DNAH10: variants seen among roughly 807,000 people sequenced by gnomAD.
DNAH10 encodes the protein axonemal beta dynein heavy chain 10.
A neutral mutation model predicts 506.6 loss-of-function variants in DNAH10; 348 were observed. That is an observed-to-expected ratio of 0.69 (90% CI 0.63 to 0.75). The LOEUF (loss-of-function observed/expected upper bound fraction) is 0.75. DNAH10 is among the 30% of genes least tolerant of loss of function. The probability of loss-of-function intolerance (pLI) is 0.00; values close to 1 mark genes in which losing one functional copy is unlikely to be tolerated. For missense variants in DNAH10, 5,179 were observed against 5,787.1 expected (o/e 0.89, Z 3.41); for synonymous variants, 2,059 against 2,198.6 (o/e 0.94, Z 1.78).
chr12:123,830,333 G>A (rs566933482), intron 25 of DNAH10, among the ~76,000 whole-genome samples: 1 of 152,214 alleles, frequency 6.6e-6, no homozygotes, highest in Non-Finnish European at 1.5e-5. Flanking sequence ...AGTGTATACA[G>A]TATTTTGCAA....
intron 23 of DNAH10, among the ~76,000 whole-genome samples, chr12:123,819,700 G>GGTT (rs1555224051): frequency 3.2e-4 from 33 of 101,834 alleles, no homozygotes; most frequent in Admixed American, 6.5e-4. Flanking sequence ...CTAAAATTCT[G>GGTT]TTTTTTTTTT....
chr12:123,815,094 T>A (rs937935542), intron 21 of DNAH10, among the ~76,000 whole-genome samples: 2 of 152,202 alleles, frequency 1.3e-5, no homozygotes, highest in African/African-American at 4.8e-5. Context: ...GAGATTTTGA[T>A]TGTGATTGCA....
Position 123,877,826 on chromosome 12 carries a change from A to G in DNAH10, c.8290A>G (p.Thr2764Ala). ...AAATATTGTGCAAGACCTACCTCCCACTCCGTCAAAGTTCCATTACATCTT... is the reference window on the plus strand; with the variant it reads ...AAATATTGTGCAAGACCTACCTCCCGCTCCGTCAAAGTTCCATTACATCTT... The part of the protein sequence containing the change: ...YKNIVQDLPP[T>A]PSKFHYIFNL... Residue 2764 changes from threonine (T) to alanine (A), a missense_variant, in exon 48 of 79, where the codon ACT becomes GCT. Physicochemically the swap from Thr to Ala is moderately conservative, Grantham distance 58. Around this residue, in one of 3 missense-constraint regions of DNAH10, gnomAD observed 4,844 missense variants for 5,430.5 expected, o/e 0.89. Transcript: ENST00000673944. 6.2e-7 allele frequency: 1 copy of G among 1,613,854 alleles called. No individual in the cohort carries two copies. The highest frequency in any genetic ancestry group is 8.5e-7 in the Non-Finnish European group (1 of 1,179,868).
intron 40 of DNAH10, 131 bp downstream of exon 40, chr12:123,864,861 A>G: frequency 8.7e-7 from 1 of 1,154,286 alleles, no homozygotes. Flanking sequence ...TATAATGAAT[A>G]CAACTCTTTG....
chr12:123,845,841 G>T lies in DNAH10; in HGVS notation c.5602G>T (p.Asp1868Tyr). The change falls in exon 31 of 79, where the codon GAC (aspartate) becomes TAC (tyrosine). Residue 1868 changes from aspartate (D) to tyrosine (Y), a missense_variant. By Grantham distance (160) the Asp-to-Tyr change is radical. Coordinates refer to ENST00000673944, the MANE Select transcript of DNAH10 (RefSeq NM_001372106.1). The part of the protein sequence containing the change: ...TVLIIDVHAR[D>Y]IVDSFIRGSI... ...TCTCATCATTGATGTGCATGCCAGAGACATAGTTGATTCTTTCATAAGAGG... is the reference window on the plus strand; with the variant it reads ...TCTCATCATTGATGTGCATGCCAGATACATAGTTGATTCTTTCATAAGAGG... 1 of 1,614,054 alleles carries T rather than the reference G, an allele frequency of 6.2e-7. No homozygotes were observed. Among genetic ancestry groups the T allele is most frequent in the Non-Finnish European group, 8.5e-7 (1 of 1,179,900 alleles).
At chr12:123,934,916 C>A in intron 78 of DNAH10, 150 bp downstream of exon 78, 1 of 1,039,694 alleles carries the variant, frequency 9.6e-7, no homozygotes, top group Non-Finnish European at 1.4e-6. Context: ...GTGATAAAAG[C>A]TACGGATAGC....
At chr12:123,893,758 TGGGCGGGGCAG>T (rs1256167531) in intron 53 of DNAH10, among the ~76,000 whole-genome samples, 4 of 149,236 alleles carry the variant, frequency 2.7e-5, no homozygotes, top group Non-Finnish European at 1.5e-5. Flanking sequence ...AGGTTCCTAA[TGGGCGGGGCAG>T]GGGCGGGGGA....
Position 123,919,051 on chromosome 12 carries a change from ATTTTTTCTTTT to A in DNAH10, c.11506+105_11506+115del. 1.5e-6 allele frequency: 2 copies of A among 1,340,702 alleles called. No homozygotes were observed. Among genetic ancestry groups the A allele is most frequent in the Non-Finnish European group, 2.0e-6 (2 of 1,014,766 alleles). The allele number at this position is 1,340,702 out of a possible 1,614,324, so 83.1% of individuals were successfully genotyped here. A position where few individuals can be genotyped will look rare whatever the true frequency, so the allele number is the denominator to read the frequency against. On this transcript the variant is annotated intron_variant, in intron 65 of 78. Transcript: ENST00000673944. This position sits in a 1 kb window ranked among gnomAD's most constrained non-coding sequence, Gnocchi z 4.9. ...TGAAAATGGAAAGTTACCAAATAGC[ATTTTTTCTTTT>A]TTCTTTCTTTCTTTCTTTTTCTTTT...
chr12:123,790,678 G>A (rs2136220772), intron 11 of DNAH10, among the ~76,000 whole-genome samples: 1 of 152,248 alleles, frequency 6.6e-6, no homozygotes, highest in Middle Eastern at 3.4e-3. Flanking sequence ...GAGGGGTTTG[G>A]CATAACACAT....
chr12:123,799,536 C>T (rs970612276), intron 14 of DNAH10, among the ~76,000 whole-genome samples, 165 bp downstream of exon 14: 5 of 151,958 alleles, frequency 3.3e-5, no homozygotes, highest in African/African-American at 9.7e-5. Flanking sequence ...GGAGATGGCA[C>T]GATGCCATGG....
Position 123,933,315 on chromosome 12 carries a change from C to T in DNAH10, c.13297-16C>T. ...GCAGCCCCAGGCTCCCAGCACTTGT[C>T]CTCTCTTCTCTCCAGGTGACCGAGA... On this transcript the variant is annotated splice_polypyrimidine_tract_variant and intron_variant, in intron 76 of 78. Coordinates refer to ENST00000673944, the MANE Select transcript of DNAH10 (RefSeq NM_001372106.1). 3 of 1,509,638 alleles carry T rather than the reference C, an allele frequency of 2.0e-6. No homozygotes were observed. The highest frequency in any genetic ancestry group is 2.7e-6 in the Non-Finnish European group (3 of 1,123,326). The allele number at this position is 1,509,638 out of a possible 1,614,324, so 93.5% of individuals were successfully genotyped here. A position where few individuals can be genotyped will look rare whatever the true frequency, so the allele number is the denominator to read the frequency against.
chr12:123,811,594 G>A (rs139315135), intron 19 of DNAH10, among the ~76,000 whole-genome samples: 2,925 of 152,034 alleles, frequency 0.019, 89 homozygotes, highest in African/African-American at 0.066. Flanking sequence ...TCCGCCTTCC[G>A]GGTTCATGCC....
Position 123,893,446 on chromosome 12 carries a change from G to A in DNAH10, c.9199+10G>A, listed in dbSNP as rs749876474. ...TGCAGAAACTTCCCAGGTACCCGCGGTGGAGCCTGTGAACCCATTTCCCCT... is the reference window on the plus strand; with the variant it reads ...TGCAGAAACTTCCCAGGTACCCGCGATGGAGCCTGTGAACCCATTTCCCCT... On this transcript the variant is annotated intron_variant, in intron 53 of 78. Transcript: ENST00000673944. 1.9e-6 allele frequency: 3 copies of A among 1,611,874 alleles called. No homozygotes were observed. The highest frequency in any genetic ancestry group is 2.5e-6 in the Non-Finnish European group (3 of 1,179,842).
At chr12:123,797,934 C>T (rs1342279933) in intron 13 of DNAH10, among the ~76,000 whole-genome samples, 2 of 152,228 alleles carry the variant, frequency 1.3e-5, no homozygotes, top group Admixed American at 6.5e-5. Context: ...TGCAACGACT[C>T]AACCTGTCGT....
rs1951423325 is a variant in DNAH10, at chr12:123,857,081, G to A, written c.6464G>A (p.Arg2155Gln). 13 of 1,612,434 alleles carry A rather than the reference G, an allele frequency of 8.1e-6. No homozygotes were observed. The highest frequency in any genetic ancestry group is 1.7e-5 in the Admixed American group (1 of 59,724). Residue 2155 changes from arginine (R) to glutamine (Q), a missense_variant, in exon 37 of 79, where the codon CGA (arginine) becomes CAA (glutamine). By Grantham distance (43) the Arg-to-Gln change is conservative (BLOSUM62 1). Coordinates refer to ENST00000673944, the MANE Select transcript of DNAH10 (RefSeq NM_001372106.1). ...REDVVLMRALRDMNLPKFVFE... is the reference protein window; with the variant it reads ...REDVVLMRALQDMNLPKFVFE... ...GACGTGGTGCTGATGAGGGCCTTGC[G>A]AGACATGAACTTGCCCAAATTTGTG...
rs201579024 is a variant in DNAH10, at chr12:123,820,666, G to A, written c.4087G>A (p.Asp1363Asn). The A allele has an allele frequency of 2.7e-4, 434 of 1,613,824 alleles. No homozygotes were observed. Among genetic ancestry groups the A allele is most frequent in the Admixed American group, 5.0e-4 (30 of 59,996 alleles). ...ACTGGCTAACGCTGAGAAACTTTTC[G>A]ATCTTCCTATTACAATGTACCCAGA... ...QELANAEKLFDLPITMYPELL... is the reference protein window; with the variant it reads ...QELANAEKLFNLPITMYPELL... The change falls in exon 24 of 79, where the codon GAT (aspartate) becomes AAT (asparagine). Residue 1363 changes from aspartate to asparagine, a missense_variant. Transcript: ENST00000673944.
At chr12:123,802,947 G>C (rs1418929296) in intron 16 of DNAH10, among the ~76,000 whole-genome samples, 1 of 151,784 alleles carries the variant, frequency 6.6e-6, no homozygotes, top group Non-Finnish European at 1.5e-5. Flanking sequence ...GTTGAGTTTT[G>C]AGCATCCTTG....
At position 123,831,906 on chromosome 12, in the gene DNAH10, A is replaced by G. The variant is rs936635720; in HGVS notation, c.4545+1207A>G. 6.9e-5 allele frequency among the ~76,000 whole-genome samples: 10 copies of G among 145,878 alleles called. No homozygotes were observed. In the East Asian group the frequency reaches 9.8e-4, roughly 14 times the overall value. On this transcript the variant is annotated intron_variant, in intron 26 of 78. Coordinates refer to ENST00000673944, the MANE Select transcript of DNAH10 (RefSeq NM_001372106.1). ...GGTGACAGAGCAAGACTCTGTCTCA[A>G]AAAAAAAAAAAAAGGAAAGGTACGG...
intron 60 of DNAH10, 71 bp from the exon 61 acceptor site, chr12:123,914,255 GTTC>G: frequency 1.4e-6 from 2 of 1,392,572 alleles, no homozygotes; most frequent in South Asian, 2.6e-5. Flanking sequence ...TATCAAGCTG[GTTC>G]TTCTGGAATG....
Sources: gnomAD v4.1 joint callset for allele counts (sites outside exome capture counted in the v4.1 genomes callset) on GRCh38, gnomAD v4.1.1 for gene constraint, gnomAD v4.1.1 regional missense constraint, Gnocchi (gnomAD v3.1) non-coding constraint, MANE v1.5 for transcripts, NCBI Gene and HGNC (gene_info 2026-07-23, HGNC 2026-07-21) for gene names.